Variants in ATF6 observed in about 807,000 individuals in gnomAD.
ATF6 encodes the protein cyclic AMP-dependent transcription factor ATF-6 alpha.
In ATF6, 53 loss-of-function variants were observed where a neutral mutation model predicts 83.6. The ratio of observed to expected loss-of-function variants is 0.63; its 90% CI spans 0.51 to 0.80. ATF6 has a LOEUF of 0.80. Among genes scored for constraint, ATF6 ranks in the 30% least tolerant of loss-of-function variants. The pLI is 0.00. For synonymous variants in ATF6, 288 were observed against 285.8 expected (o/e 1.01, Z -0.08); for missense variants, 744 against 797.9 (o/e 0.93, Z 0.81).
intron 13 of ATF6, among the ~76,000 whole-genome samples, chr1:161,861,097 C>T (rs1448239540): frequency 3.9e-5 from 6 of 152,088 alleles, no homozygotes; most frequent in Admixed American, 6.6e-5. Flanking sequence ...ATATTTAGAG[C>T]ACTTAGCATG....
At chr1:161,912,790 G>A (rs1198132373) in intron 15 of ATF6, among the ~76,000 whole-genome samples, 1 of 152,064 alleles carries the variant, frequency 6.6e-6, no homozygotes, top group Non-Finnish European at 1.5e-5. Context: ...ACAGAAGCCT[G>A]TTTATGTTTA....
At chr1:161,865,834 A>G (rs760898488) in intron 14 of ATF6, among the ~76,000 whole-genome samples, 17 of 152,180 alleles carry the variant, frequency 1.1e-4, no homozygotes, top group Non-Finnish European at 2.4e-4. Flanking sequence ...TTTCAATAGT[A>G]GGGAAAAGGA....
chr1:161,770,308 C>G (rs931925732), intron 1 of ATF6, among the ~76,000 whole-genome samples: 1 of 152,100 alleles, frequency 6.6e-6, no homozygotes, highest in African/African-American at 2.4e-5. Flanking sequence ...TACAGTGTTA[C>G]AAAAAATAGT....
intron 9 of ATF6, among the ~76,000 whole-genome samples, chr1:161,832,300 C>T (rs1210563921): frequency 1.3e-5 from 2 of 152,166 alleles, no homozygotes; most frequent in Non-Finnish European, 2.9e-5. Context: ...GGAATAGGAA[C>T]AGCTCCAGTC....
intron 1 of ATF6, among the ~76,000 whole-genome samples, chr1:161,772,938 G>T (rs1684422985): frequency 6.7e-6 from 1 of 149,470 alleles, no homozygotes; most frequent in African/African-American, 2.5e-5. Flanking sequence ...GTCCAGTCAG[G>T]TGCCACCACT....
intron 7 of ATF6, among the ~76,000 whole-genome samples, chr1:161,812,158 C>A (rs185824130): frequency 2.7e-3 from 417 of 152,126 alleles, no homozygotes; most frequent in African/African-American, 9.4e-3. Flanking sequence ...CTCTTTAAAT[C>A]TTATAACAGC....
At chr1:161,872,308 T>C (rs1174376554) in intron 14 of ATF6, among the ~76,000 whole-genome samples, 2 of 151,666 alleles carry the variant, frequency 1.3e-5, no homozygotes, top group Admixed American at 6.6e-5. Context: ...TCTTGATCAT[T>C]TCCCTCTATT....
At chr1:161,787,539 G>C (rs1684772324) in intron 4 of ATF6, among the ~76,000 whole-genome samples, 1 of 152,026 alleles carries the variant, frequency 6.6e-6, no homozygotes, top group African/African-American at 2.4e-5. Flanking sequence ...CCATATCAGT[G>C]CCCTCTCTAC....
intron 14 of ATF6, among the ~76,000 whole-genome samples, chr1:161,902,050 G>A (rs570438187): frequency 2.2e-4 from 34 of 152,240 alleles, no homozygotes; most frequent in Non-Finnish European, 4.4e-4. Context: ...CATGGTTTCC[G>A]AAATTCGGAT....
At chr1:161,919,744 C>T (rs781117529) in intron 15 of ATF6, among the ~76,000 whole-genome samples, 3 of 152,014 alleles carry the variant, frequency 2.0e-5, no homozygotes, top group Non-Finnish European at 4.4e-5. Context: ...AATTAAGGGC[C>T]CACGTAGATG....
At chr1:161,886,209 G>A (rs1170070909) in intron 14 of ATF6, among the ~76,000 whole-genome samples, 2 of 152,100 alleles carry the variant, frequency 1.3e-5, no homozygotes. Flanking sequence ...GTCAGTTCTA[G>A]GAAATAAAAG....
chr1:161,953,854 A>G (rs1688918318), intron 15 of ATF6, among the ~76,000 whole-genome samples: 1 of 152,164 alleles, frequency 6.6e-6, no homozygotes, highest in African/African-American at 2.4e-5. Flanking sequence ...TTTGCCAGGC[A>G]CTTCTTAAGG....
intron 7 of ATF6, among the ~76,000 whole-genome samples, chr1:161,808,562 A>T (rs1358206159): frequency 6.6e-6 from 1 of 151,776 alleles, no homozygotes; most frequent in African/African-American, 2.4e-5. Context: ...TTCCTTTTTT[A>T]AATTTTTATT....
Position 161,959,287 on chromosome 1 carries a change from A to G in ATF6, c.*633A>G, listed in dbSNP as rs890121454. ...AGGATTTGTGGCTCACACCTAAACA[A>G]AGGGGGTCAGGGAGTGGGTACAAAT... On this transcript the variant is annotated 3_prime_UTR_variant, in exon 16 of 16. Transcript: ENST00000367942. 2.6e-5 allele frequency: 4 copies of G among 152,200 alleles called. No homozygotes were observed. Among genetic ancestry groups the G allele is most frequent in the African/African-American group, 9.7e-5 (4 of 41,440 alleles). 9.4% of individuals were successfully genotyped at this position (152,200 alleles called of 1,614,324 possible). A position where few individuals can be genotyped will look rare whatever the true frequency, so the allele number is the denominator to read the frequency against.
intron 10 of ATF6, among the ~76,000 whole-genome samples, chr1:161,846,832 A>G (rs1362257693): frequency 6.6e-6 from 1 of 151,948 alleles, no homozygotes; most frequent in Non-Finnish European, 1.5e-5. Context: ...ATTAATATAC[A>G]TATTGAAATA....
At chr1:161,920,292 C>CTTTTTTTTTTT (rs1322896918) in intron 15 of ATF6, among the ~76,000 whole-genome samples, 46 of 19,784 alleles carry the variant, frequency 2.3e-3, no homozygotes, top group African/African-American at 6.3e-3. Flanking sequence ...CTCTCTCTCT[C>CTTTTTTTTTTT]TCTTTTTTTT....
chr1:161,846,690 AG>A (rs1686494297), intron 10 of ATF6, 110 bp downstream of exon 10: 2 of 1,090,762 alleles, frequency 1.8e-6, no homozygotes, highest in African/African-American at 3.4e-5. Flanking sequence ...TATTTTGAGT[AG>A]TAGAACACAT....
At chr1:161,860,960 T>A (rs1403519199) in intron 13 of ATF6, among the ~76,000 whole-genome samples, 1 of 152,216 alleles carries the variant, frequency 6.6e-6, no homozygotes, top group Non-Finnish European at 1.5e-5. Flanking sequence ...TTTGCCCTGT[T>A]GGGCAGAGTT....
In ATF6 at chr1:161,773,953, C is replaced by G. The variant is rs577233397; in HGVS notation, c.83-4291C>G. On this transcript the variant is annotated intron_variant, in intron 1 of 15. Transcript: ENST00000367942. ...AGTACACTGATAAACGTGCGTTTTCCTTATCTAGATTTACCAACTGTTAAC... is the reference window on the plus strand; with the variant it reads ...AGTACACTGATAAACGTGCGTTTTCGTTATCTAGATTTACCAACTGTTAAC... Among the ~76,000 whole-genome samples the G allele has an allele frequency of 2.6e-5, 4 of 152,132 alleles. No homozygotes were observed. The South Asian group carries it at 8.3e-4, about 32-fold the overall frequency.
Sources: gnomAD v4.1 joint callset for allele counts (sites outside exome capture counted in the v4.1 genomes callset) on GRCh38, gnomAD v4.1.1 for gene constraint, MANE v1.5 for transcripts, NCBI Gene and HGNC (gene_info 2026-07-23, HGNC 2026-07-21) for gene names.